The following MARCHF1 variants were observed in gnomAD, a reference collection of about 807,000 sequenced individuals.
MARCHF1 encodes membrane associated ring-CH-type finger 1.
MARCHF1 carries 40 observed loss-of-function variants against 54.2 expected under a neutral mutation model. The observed-to-expected ratio is 0.74, with a 90% CI of 0.57 to 0.96. The LOEUF (loss-of-function observed/expected upper bound fraction) is 0.96, where lower values mean the gene tolerates loss of function less well. MARCHF1 is among the 40% of genes least tolerant of loss of function. The pLI, the probability that MARCHF1 is intolerant of heterozygous loss-of-function variation, is 0.00. For synonymous variants in MARCHF1, 236 were observed against 236.3 expected, an observed-to-expected ratio of 1.00 and a Z score of 0.01; for missense variants, 586 against 656.5, an observed-to-expected ratio of 0.89 and a Z score of 1.17.
chr4:163,623,537 G>A (rs1479860640), intron 5 of MARCHF1, among the ~76,000 whole-genome samples: 1 of 152,070 alleles, frequency 6.6e-6, no homozygotes, highest in Non-Finnish European at 1.5e-5. Flanking sequence ...TAAATGGGAC[G>A]GCGTTAACAC....
intron 1 of MARCHF1, among the ~76,000 whole-genome samples, chr4:164,337,839 AT>A (rs1729796203): frequency 6.6e-6 from 1 of 152,138 alleles, no homozygotes; most frequent in Non-Finnish European, 1.5e-5. Context: ...GGAAAAAAAA[AT>A]GAAAGACTAT....
intron 5 of MARCHF1, among the ~76,000 whole-genome samples, chr4:163,652,608 C>G (rs1560999651): frequency 6.6e-6 from 1 of 151,774 alleles, no homozygotes; most frequent in African/African-American, 2.4e-5. Flanking sequence ...TGACATATAA[C>G]CTTGCTTATG....
At chr4:164,254,478 CAT>C (rs1733215464) in intron 1 of MARCHF1, among the ~76,000 whole-genome samples, 1 of 151,124 alleles carries the variant, frequency 6.6e-6, no homozygotes, top group African/African-American at 2.4e-5. Context: ...TTTACACACA[CAT>C]AGTGTGTATA....
At chr4:164,159,750 G>A (rs191961261) in intron 1 of MARCHF1, among the ~76,000 whole-genome samples, 12 of 152,190 alleles carry the variant, frequency 7.9e-5, no homozygotes, top group Non-Finnish European at 1.6e-4. Flanking sequence ...ATCAGCGATG[G>A]AAAGAATGTA....
At chr4:163,662,328 C>G (rs1192151370) in intron 5 of MARCHF1, among the ~76,000 whole-genome samples, 1 of 151,522 alleles carries the variant, frequency 6.6e-6, no homozygotes, top group Non-Finnish European at 1.5e-5. Context: ...TTTCTTTGTT[C>G]TCTCATCCTG....
intron 4 of MARCHF1, among the ~76,000 whole-genome samples, chr4:163,784,254 A>C (rs1044339494): frequency 6.6e-6 from 1 of 152,074 alleles, no homozygotes; most frequent in African/African-American, 2.4e-5. Context: ...TGCAGCTTCA[A>C]AATTTGCTCT....
At chr4:164,100,984 T>G (rs560132859) in intron 2 of MARCHF1, among the ~76,000 whole-genome samples, 11 of 152,216 alleles carry the variant, frequency 7.2e-5, no homozygotes. Flanking sequence ...CCTTTCTGAG[T>G]CAAAGAAAGG....
chr4:163,853,356 T>C (rs1161858232), intron 4 of MARCHF1, among the ~76,000 whole-genome samples: 2 of 152,166 alleles, frequency 1.3e-5, no homozygotes, highest in African/African-American at 4.8e-5. Context: ...GGAATTTTCC[T>C]CCTTTAAATT....
intron 4 of MARCHF1, among the ~76,000 whole-genome samples, chr4:163,818,742 G>A (rs1748611900): frequency 6.6e-6 from 1 of 151,958 alleles, no homozygotes; most frequent in African/African-American, 2.4e-5. Context: ...CCTCTCGTTT[G>A]TCTCTAAAAG....
intron 1 of MARCHF1, among the ~76,000 whole-genome samples, chr4:164,132,286 C>CT (rs1560919317): frequency 2.0e-5 from 3 of 152,028 alleles, no homozygotes; most frequent in African/African-American, 2.4e-5. Context: ...TAAACAATCA[C>CT]TTTTTTTGAC....
intron 1 of MARCHF1, among the ~76,000 whole-genome samples, chr4:164,176,978 C>CTATA (rs1225209896): frequency 6.7e-4 from 26 of 38,874 alleles, no homozygotes; most frequent in African/African-American, 1.2e-3. Flanking sequence ...CTCTCTCTCT[C>CTATA]TCTATATATA....
chr4:164,054,473 C>A (rs1754443989), intron 2 of MARCHF1, among the ~76,000 whole-genome samples: 1 of 152,074 alleles, frequency 6.6e-6, no homozygotes, highest in Admixed American at 6.6e-5. Context: ...GACACATGCA[C>A]ACGTATGTTT....
At position 163,526,741 on chromosome 4, in the gene MARCHF1, A is replaced by G. The variant is rs1738119299; in HGVS notation, c.*2007T>C. 1 of 152,122 alleles carries G rather than the reference A, an allele frequency of 6.6e-6. No individual in the cohort carries two copies. The highest frequency in any genetic ancestry group is 2.1e-4 in the South Asian group (1 of 4,822). The allele number at this position is 152,122 out of a possible 1,614,324, so 9.4% of individuals were successfully genotyped here. A position where few individuals can be genotyped will look rare whatever the true frequency, so the allele number is the denominator to read the frequency against. On this transcript the variant is annotated 3_prime_UTR_variant, in exon 10 of 10. Transcript: ENST00000514618. ...CCTCAACTTTGCTTTCCCTGTGCTTATAACAAGTTTTAAGAAAGATGAGTT... is the reference window on the plus strand; with the variant it reads ...CCTCAACTTTGCTTTCCCTGTGCTTGTAACAAGTTTTAAGAAAGATGAGTT...
At chr4:163,682,256 C>T (rs1579190710) in intron 5 of MARCHF1, among the ~76,000 whole-genome samples, 1 of 152,246 alleles carries the variant, frequency 6.6e-6, no homozygotes, top group South Asian at 2.1e-4. Flanking sequence ...CGAGAGGAAA[C>T]AGAGCATGAA....
intron 1 of MARCHF1, among the ~76,000 whole-genome samples, chr4:164,350,138 G>C (rs919516059): frequency 6.6e-6 from 1 of 152,124 alleles, no homozygotes; most frequent in African/African-American, 2.4e-5. Flanking sequence ...TCCAAGAAAA[G>C]AAAAAGATGC....
chr4:163,897,288 C>T, intron 3 of MARCHF1, among the ~76,000 whole-genome samples: 1 of 152,112 alleles, frequency 6.6e-6, no homozygotes. Context: ...CTTACTGAAC[C>T]CATCATCTTT....
chr4:164,261,013 G>T (rs1460034928), intron 1 of MARCHF1, among the ~76,000 whole-genome samples: 2 of 152,120 alleles, frequency 1.3e-5, no homozygotes, highest in Non-Finnish European at 2.9e-5. Flanking sequence ...AATCCACTGT[G>T]ACTGTGTCCT....
chr4:163,901,898 G>C (rs1750950744), intron 3 of MARCHF1, among the ~76,000 whole-genome samples: 1 of 152,062 alleles, frequency 6.6e-6, no homozygotes, highest in South Asian at 2.1e-4. Context: ...TAAAAGCCCT[G>C]GCTGTTTAAA....
rs533531590 is a variant in MARCHF1, at chr4:163,758,280, C to G, written c.112-57417G>C. The stretch of plus-strand genomic sequence containing the variant: ...TCCAAAAAGTTACATTCAGACAAGA[C>G]AGCTGGACCGGGCTGGGCTGGAGAC... On this transcript the variant is annotated intron_variant, in intron 4 of 9. Coordinates refer to ENST00000514618, the MANE Select transcript of MARCHF1 (RefSeq NM_001394959.1). Among the ~76,000 whole-genome samples the G allele has an allele frequency of 2.6e-5, 4 of 152,286 alleles. No homozygotes were observed. In the East Asian group the frequency reaches 5.8e-4, roughly 22 times the overall value.
Sources: gnomAD v4.1 joint callset for allele counts (sites outside exome capture counted in the v4.1 genomes callset) on GRCh38, gnomAD v4.1.1 for gene constraint, MANE v1.5 for transcripts, NCBI Gene and HGNC (gene_info 2026-07-23, HGNC 2026-07-21) for gene names.